ATP2C2: variants seen among roughly 807,000 people sequenced by gnomAD.
ATP2C2 encodes calcium-transporting ATPase type 2C member 2.
ATP2C2 carries 171 observed loss-of-function variants against 110.8 expected under a neutral mutation model. That is an observed-to-expected ratio of 1.54 (90% CI 1.36 to 1.75). ATP2C2 has a LOEUF of 1.75. ATP2C2 is among the 40% of genes most tolerant of loss of function. ATP2C2 has a pLI of 0.00. For missense variants in ATP2C2, 1,963 were observed against 1,235.0 expected, an observed-to-expected ratio of 1.59 and a Z score of -8.84; for synonymous variants, 804 against 508.4, an observed-to-expected ratio of 1.58 and a Z score of -7.82.
intron 11 of ATP2C2, among the ~76,000 whole-genome samples, chr16:84,427,221 C>G (rs1907883893): frequency 6.6e-6 from 1 of 152,110 alleles, no homozygotes; most frequent in African/African-American, 2.4e-5. Context: ...ATTAATACAT[C>G]AAACCCATGA....
intron 11 of ATP2C2, 112 bp from the exon 12 acceptor site, chr16:84,439,054 C>A: frequency 6.8e-7 from 1 of 1,469,028 alleles, no homozygotes; most frequent in Non-Finnish European, 9.3e-7. Context: ...AGAACCAGGA[C>A]ACTGGGGACA....
chr16:84,377,945 C>T lies in ATP2C2; in HGVS notation c.99+9231C>T, dbSNP rs182104790. ...GTGCCCCACTAGCTGGGCCATATTCCTATGACCTTCCCTAAGACCTCCCTG... is the reference window on the plus strand; with the variant it reads ...GTGCCCCACTAGCTGGGCCATATTCTTATGACCTTCCCTAAGACCTCCCTG... On this transcript the variant is annotated intron_variant, in intron 1 of 26. Transcript: ENST00000262429. Among the ~76,000 whole-genome samples the T allele has an allele frequency of 1.8e-3, 276 of 152,302 alleles. 3 individuals carry two copies. The highest frequency in any genetic ancestry group is 0.013 in the Admixed American group (196 of 15,296).
rs1038138818 is a variant in ATP2C2 at position 84,454,377 on chromosome 16, C to T, written c.1981-441C>T. Among the ~76,000 whole-genome samples the T allele has an allele frequency of 4.6e-5, 7 of 152,280 alleles. No individual in the cohort carries two copies. In the South Asian group the frequency reaches 1.0e-3, roughly 23 times the overall value. The stretch of plus-strand genomic sequence containing the variant: ...TTTGCTCTTGAGCTCTTTTAGTAGA[C>T]GGGCTTTCTTCTTTCATGTTATTTT... On this transcript the variant is annotated intron_variant, in intron 20 of 26. Coordinates refer to ENST00000262429, the MANE Select transcript of ATP2C2 (RefSeq NM_014861.4).
intron 8 of ATP2C2, 22 bp from the exon 9 acceptor site, chr16:84,422,607 C>A (rs576182594): frequency 5.0e-6 from 8 of 1,611,286 alleles, no homozygotes; most frequent in Non-Finnish European, 6.8e-6. Context: ...AGATTTCATA[C>A]TTCTCTCTCT....
chr16:84,450,916 TC>T (rs1910199572), intron 17 of ATP2C2, among the ~76,000 whole-genome samples: 1 of 152,124 alleles, frequency 6.6e-6, no homozygotes, highest in Admixed American at 6.5e-5. Context: ...AAACGTCCCA[TC>T]CTGCTCCACC....
intron 2 of ATP2C2, among the ~76,000 whole-genome samples, chr16:84,399,794 A>G (rs1905210191): frequency 6.6e-6 from 1 of 152,176 alleles, no homozygotes; most frequent in African/African-American, 2.4e-5. Context: ...GAGTTATTTT[A>G]AAATGTACAA....
chr16:84,422,567 G>A (rs1907443175), intron 8 of ATP2C2, 28 bp downstream of exon 8: 6 of 1,612,170 alleles, frequency 3.7e-6, no homozygotes, highest in Non-Finnish European at 4.2e-6. Flanking sequence ...GAGGCCTTGG[G>A]CTCCCGTAAC....
Position 84,368,699 on chromosome 16 carries a change from C to A in ATP2C2, c.84C>A (p.Asp28Glu). Reference sequence around the variant, plus strand: ...GCCAGTACCAGGCGCTGGAGAAGGACGAAGAGGAAGCCTTGGTGAGTCCCC... The same window carrying A: ...GCCAGTACCAGGCGCTGGAGAAGGAAGAAGAGGAAGCCTTGGTGAGTCCCC... Reference protein sequence around the residue: ...GGRQYQALEKDEEEALIDEQS... With the variant: ...GGRQYQALEKEEEEALIDEQS... Residue 28 changes from aspartate to glutamate, a missense_variant, in exon 1 of 27, where the codon GAC becomes GAA. By Grantham distance (45) the Asp-to-Glu change is conservative. Coordinates refer to ENST00000262429, the MANE Select transcript of ATP2C2 (RefSeq NM_014861.4). 1 of 1,548,272 alleles carries A rather than the reference C, an allele frequency of 6.5e-7. No homozygotes were observed. Among genetic ancestry groups the A allele is most frequent in the Non-Finnish European group, 8.7e-7 (1 of 1,150,116 alleles).
At chr16:84,460,503 G>T (rs777153777) in intron 23 of ATP2C2, 151 bp from the exon 24 acceptor site, 2 of 1,037,066 alleles carry the variant, frequency 1.9e-6, no homozygotes, top group South Asian at 1.3e-5. Context: ...AGGTGCCGAG[G>T]AGGGCAGGTG....
rs759438706 is a variant in ATP2C2 at position 84,410,733 on chromosome 16, G to T, written c.483G>T (p.Glu161Asp). 2.8e-5 allele frequency: 46 copies of T among 1,614,094 alleles called. No individual in the cohort carries two copies. In the South Asian group the frequency reaches 4.7e-4, roughly 17 times the overall value. Residue 161 changes from glutamate to aspartate, a missense_variant, in exon 6 of 27, where the codon GAG (glutamate) becomes GAT (aspartate). Physicochemically the swap from Glu to Asp is conservative, Grantham distance 45. Transcript: ENST00000262429. ...QEYRSEKSLE[E>D]LTKLVPPECN... ...ACAGGTCGGAGAAATCTCTGGAAGA[G>T]CTGACCAAGCTGGTTCCTCCAGAAT...
At chr16:84,459,712 C>G (rs141789203) in intron 23 of ATP2C2, 5 of 839,858 alleles carry the variant, frequency 6.0e-6, no homozygotes, top group Non-Finnish European at 9.2e-6. Context: ...TCCCTGATTG[C>G]ACTCCCACTC....
At chr16:84,438,095 G>C (rs1397715201) in intron 11 of ATP2C2, among the ~76,000 whole-genome samples, 2 of 152,300 alleles carry the variant, frequency 1.3e-5, no homozygotes, top group African/African-American at 2.4e-5. Flanking sequence ...CTGCTGTATA[G>C]ATAGACCACA....
intron 13 of ATP2C2, 69 bp from the exon 14 acceptor site, chr16:84,440,788 A>T (rs1909176015): frequency 8.2e-7 from 1 of 1,221,454 alleles, no homozygotes; most frequent in Non-Finnish European, 1.2e-6. Flanking sequence ...CAGGACAGAG[A>T]TTGTGGGCCA....
At chr16:84,408,302 G>A (rs1359283334) in intron 3 of ATP2C2, 103 bp from the exon 4 acceptor site, 1 of 1,092,210 alleles carries the variant, frequency 9.2e-7, no homozygotes, top group Non-Finnish European at 1.4e-6. Context: ...TGGAAGCCTG[G>A]CCCTGAACTG....
intron 1 of ATP2C2, among the ~76,000 whole-genome samples, chr16:84,393,566 C>T (rs921465860): frequency 6.6e-5 from 10 of 152,136 alleles, no homozygotes; most frequent in Admixed American, 3.9e-4. Context: ...AGTATAGACA[C>T]TCCTTCTAAA....
rs779955515 is a variant in ATP2C2 at position 84,454,831 on chromosome 16, C to T, written c.1994C>T (p.Ser665Leu). 5.0e-6 allele frequency: 8 copies of T among 1,609,644 alleles called. No homozygotes were observed. The African/African-American group carries it at 8.0e-5, about 16-fold the overall frequency. The change falls in exon 21 of 27, where the codon TCA (serine) becomes TTA (leucine). Residue 665 changes from serine to leucine, a missense_variant. By Grantham distance (145) the Ser-to-Leu change is moderately radical (BLOSUM62 -2). Transcript: ENST00000262429. ...KLKIIKALQE[S>L]GAIVAMTGDG... is the part of the protein sequence containing the mutation. ...CTCTTTCCAAAGGCTCTGCAGGAGT[C>T]AGGGGCGATCGTGGCCATGACTGGG...
chr16:84,371,946 G>T (rs1909979447), intron 1 of ATP2C2, among the ~76,000 whole-genome samples: 1 of 152,220 alleles, frequency 6.6e-6, no homozygotes, highest in Non-Finnish European at 1.5e-5. Flanking sequence ...CCAGCAACTG[G>T]TCACAGTTCA....
At chr16:84,413,686 C>T (rs536404147) in intron 6 of ATP2C2, among the ~76,000 whole-genome samples, 4 of 152,214 alleles carry the variant, frequency 2.6e-5, no homozygotes, top group South Asian at 2.1e-4. Flanking sequence ...ACAAAAGCAG[C>T]GGTGTCGGGC....
intron 7 of ATP2C2, among the ~76,000 whole-genome samples, chr16:84,418,165 G>C (rs150991540): frequency 6.6e-6 from 1 of 152,190 alleles, no homozygotes; most frequent in African/African-American, 2.4e-5. Context: ...TCCAAGTGAC[G>C]CTTCGTCTTG....
Sources: allele counts gnomAD v4.1 joint callset (sites outside exome capture counted in the v4.1 genomes callset), GRCh38; gene constraint gnomAD v4.1.1; transcripts MANE v1.5; gene names NCBI Gene and HGNC (gene_info 2026-07-23, HGNC 2026-07-21).